The following TGIF1 variants were observed in gnomAD, a reference collection of about 807,000 sequenced individuals.
TGIF1 encodes the protein homeobox protein TGIF1.
Under a neutral mutation model 19.3 loss-of-function variants are expected in TGIF1, and 4 were observed. The observed-to-expected ratio is 0.21, with a 90% CI of 0.10 to 0.47. The LOEUF (loss-of-function observed/expected upper bound fraction) is 0.47, where lower values mean the gene tolerates loss of function less well. TGIF1 is among the 20% of genes least tolerant of loss of function. The pLI is 0.98. For missense variants in TGIF1, 275 were observed against 341.4 expected, an observed-to-expected ratio of 0.81 and a Z score of 1.53; for synonymous variants, 122 against 129.3, an observed-to-expected ratio of 0.94 and a Z score of 0.38.
chr18:3,429,546 C>T (rs974729843), intron 2 of TGIF1, among the ~76,000 whole-genome samples: 3 of 152,058 alleles, frequency 2.0e-5, no homozygotes, highest in African/African-American at 7.2e-5. Flanking sequence ...TCATCCGCTA[C>T]CATGGGCTTT....
At chr18:3,416,846 G>T (rs903914297) in intron 1 of TGIF1, among the ~76,000 whole-genome samples, 2 of 150,594 alleles carry the variant, frequency 1.3e-5, no homozygotes, top group East Asian at 4.0e-4. Context: ...CAGGAGAATC[G>T]CTTGAACCCA....
rs1555650825 is a variant in TGIF1 at position 3,456,653 on chromosome 18, C to T, written c.243+73C>T. ...GTCATTTTATGGCATTCCTGTGTGT[C>T]AAGTCATTAAGCTCCTTGCCACTCA... On this transcript the variant is annotated intron_variant, in intron 2 of 2. Transcript: ENST00000343820. The surrounding 1 kb of genome is among the most constrained non-coding windows in gnomAD (Gnocchi z 4.2). 1.5e-6 allele frequency: 2 copies of T among 1,358,832 alleles called. No homozygotes were observed. Among genetic ancestry groups the T allele is most frequent in the South Asian group, 2.3e-5 (2 of 85,844 alleles). 84.2% of individuals were successfully genotyped at this position (1,358,832 alleles called of 1,614,324 possible).
intron 1 of TGIF1, chr18:3,455,187 T>TTCTAGATTG: frequency 6.6e-6 from 1 of 152,330 alleles, no homozygotes; most frequent in South Asian, 2.1e-4. Context: ...GTTTTTAAGA[T>TTCTAGATTG]TCTAGATTGT....
chr18:3,456,399 T>A lies in TGIF1; in HGVS notation c.62T>A (p.Met21Lys), dbSNP rs1278407613. Residue 21 changes from methionine to lysine, a missense_variant, in exon 2 of 3, where the codon ATG becomes AAG. Physicochemically the swap from Met to Lys is moderately conservative, Grantham distance 95 (BLOSUM62 -1). Transcript: ENST00000343820. This position sits in a 1 kb window ranked among gnomAD's most constrained non-coding sequence, Gnocchi z 4.2. ...AGTGAGACTGAGGATGAGGACAGCA[T>A]GGACATTCCCTTGGACCTTTCTTCA... ...SGSETEDEDS[M>K]DIPLDLSSSA... The A allele has an allele frequency of 1.2e-6, 2 of 1,614,136 alleles. No individual in the cohort carries two copies. The highest frequency in any genetic ancestry group is 3.3e-5 in the Admixed American group (2 of 60,010).
At chr18:3,414,272 G>A (rs745489900) in intron 1 of TGIF1, among the ~76,000 whole-genome samples, 1 of 152,188 alleles carries the variant, frequency 6.6e-6, no homozygotes, top group African/African-American at 2.4e-5. Flanking sequence ...TGATGCTGCA[G>A]TCAATGGAAA....
At chr18:3,447,788 T>A (rs748104772), upstream of TGIF1, 1 of 1,614,196 alleles carries the variant, frequency 6.2e-7, no homozygotes, top group South Asian at 1.1e-5. Context: ...AAGCCTGACT[T>A]CTAGCCAAGG....
intron 2 of TGIF1, among the ~76,000 whole-genome samples, chr18:3,420,329 G>T (rs1242042422): frequency 6.6e-6 from 1 of 151,876 alleles, no homozygotes; most frequent in East Asian, 1.9e-4. Flanking sequence ...TTTGCAGTGA[G>T]CCAAGATCGC....
At chr18:3,452,226 C>G (rs747784486) in intron 1 of TGIF1, 8 of 1,518,620 alleles carry the variant, frequency 5.3e-6, no homozygotes, top group Non-Finnish European at 7.1e-6. Context: ...CGCCCCCCCT[C>G]CTCCACCGGC....
At chr18:3,449,543 C>T (rs2082831546), upstream of TGIF1, 1 of 983,474 alleles carries the variant, frequency 1.0e-6, no homozygotes, top group South Asian at 4.7e-5. Flanking sequence ...ATCATTCCCC[C>T]CCGCCCCACC....
At chr18:3,454,044 A>G (rs2083084064) in intron 1 of TGIF1, among the ~76,000 whole-genome samples, 1 of 152,224 alleles carries the variant, frequency 6.6e-6, no homozygotes, top group Non-Finnish European at 1.5e-5. Flanking sequence ...GTGAAATATC[A>G]GCTGGCGTAG....
Position 3,419,508 on chromosome 18 carries a change from T to C in TGIF1, c.-45+1293T>C, listed in dbSNP as rs537177560. On this transcript the variant is annotated intron_variant, in intron 2 of 3. Coordinates refer to the TGIF1 transcript ENST00000401449. ...TTATTTTTGTGTGTTTGTTGGTTAGTTGGTTGGTTAGTTGGTTTTTTCTAT... is the reference window on the plus strand; with the variant it reads ...TTATTTTTGTGTGTTTGTTGGTTAGCTGGTTGGTTAGTTGGTTTTTTCTAT... Among the ~76,000 whole-genome samples the C allele has an allele frequency of 5.8e-4, 88 of 152,342 alleles. No individual in the cohort carries two copies. In the South Asian group the frequency reaches 8.1e-3, roughly 14 times the overall value.
chr18:3,456,746 G>A lies in TGIF1; in HGVS notation c.243+166G>A, dbSNP rs1444474920. 3 of 731,360 alleles carry A rather than the reference G, an allele frequency of 4.1e-6. No homozygotes were observed. In the East Asian group the frequency reaches 8.0e-5, roughly 20 times the overall value. The allele number at this position is 731,360 out of a possible 1,614,324, so 45.3% of individuals were successfully genotyped here. ...AAAAGCTAATAACTAGCTATTTAGA[G>A]AACACAGAAACACTTGACAGTCATC... is the stretch of plus-strand genomic sequence containing the variant. On this transcript the variant is annotated intron_variant, in intron 2 of 2. Transcript: ENST00000343820. This position sits in a 1 kb window ranked among gnomAD's most constrained non-coding sequence, Gnocchi z 4.2.
At chr18:3,445,753 A>AAAAC (rs2082735125), upstream of TGIF1, among the ~76,000 whole-genome samples, 1 of 89,708 alleles carries the variant, frequency 1.1e-5, no homozygotes, top group Non-Finnish European at 1.9e-5. Context: ...AAAAAAAAAA[A>AAAAC]GAGAAGAAAA....
In TGIF1 at chr18:3,459,803, T is replaced by TA. The variant is rs1245184730; in HGVS notation, c.*1864dup. 2.6e-5 allele frequency: 4 copies of TA among 152,250 alleles called. No homozygotes were observed. Among genetic ancestry groups the TA allele is most frequent in the Non-Finnish European group, 5.9e-5 (4 of 68,054 alleles). 9.4% of individuals were successfully genotyped at this position (152,250 alleles called of 1,614,324 possible). A position where few individuals can be genotyped will look rare whatever the true frequency, so the allele number is the denominator to read the frequency against. On this transcript the variant is annotated 3_prime_UTR_variant, in exon 3 of 3. Coordinates refer to ENST00000343820, the MANE Select transcript of TGIF1 (RefSeq NM_003244.4). ...TTCATTTTTTCCCTATTGAGGTTGTTACAGGTCATGGTTGATAATAGTTGG... is the reference window on the plus strand; with the variant it reads ...TTCATTTTTTCCCTATTGAGGTTGTTAACAGGTCATGGTTGATAATAGTTGG...
At chr18:3,432,885 G>A (rs537447397) in intron 2 of TGIF1, among the ~76,000 whole-genome samples, 258 of 151,430 alleles carry the variant, frequency 1.7e-3, no homozygotes, top group African/African-American at 6.1e-3. Flanking sequence ...TCAGCCTCCC[G>A]AGTAGCTGGG....
intron 2 of TGIF1, among the ~76,000 whole-genome samples, chr18:3,421,929 C>T (rs961918559): frequency 1.3e-5 from 2 of 152,004 alleles, no homozygotes; most frequent in African/African-American, 2.4e-5. Context: ...CACAGTGGCT[C>T]ACGCCTGTAA....
chr18:3,415,032 A>C (rs1349070324), intron 1 of TGIF1: 2 of 153,050 alleles, frequency 1.3e-5, no homozygotes, highest in East Asian at 3.8e-4. Flanking sequence ...TCCTTGACTC[A>C]GAAATCTTAC....
chr18:3,445,726 A>AG (rs2082733999), upstream of TGIF1, among the ~76,000 whole-genome samples: 2 of 106,652 alleles, frequency 1.9e-5, no homozygotes, highest in Non-Finnish European at 3.4e-5. Context: ...TCTGTCTCAA[A>AG]AAAAAAAAAA....
chr18:3,450,407 G>A lies in TGIF1; in HGVS notation c.-83G>A. Reference sequence around the variant, plus strand: ...AGTTACGGGAGAGTCGGCTGTGAAGGAGACGTTCGCTTATCCCCTGTGTCC... The same window carrying A: ...AGTTACGGGAGAGTCGGCTGTGAAGAAGACGTTCGCTTATCCCCTGTGTCC... On this transcript the variant is annotated 5_prime_UTR_variant, in exon 1 of 3. Transcript: ENST00000343820. 1 of 1,549,324 alleles carries A rather than the reference G, an allele frequency of 6.5e-7. No individual in the cohort carries two copies. Among genetic ancestry groups the A allele is most frequent in the Non-Finnish European group, 8.7e-7 (1 of 1,145,994 alleles).
Sources: allele counts gnomAD v4.1 joint callset (sites outside exome capture counted in the v4.1 genomes callset), GRCh38; gene constraint gnomAD v4.1.1; non-coding constraint Gnocchi (gnomAD v3.1); transcripts MANE v1.5; gene names NCBI Gene and HGNC (gene_info 2026-07-23, HGNC 2026-07-21).